Variants in PSEN1 observed in about 807,000 individuals in gnomAD.
PSEN1 encodes presenilin 1.
Under a neutral mutation model 53.5 loss-of-function variants are expected in PSEN1, and 15 were observed. The observed-to-expected ratio is 0.28, with a 90% CI of 0.19 to 0.43. PSEN1 has a LOEUF of 0.43. Ranked by LOEUF, PSEN1 falls within the 20% of genes least tolerant of loss-of-function variation. PSEN1 has a pLI of 1.00. For synonymous variants in PSEN1, 208 were observed against 209.8 expected (o/e 0.99, Z 0.08); for missense variants, 387 against 571.2 (o/e 0.68, Z 3.29).
At position 73,170,836 on chromosome 14, in the gene PSEN1, A is replaced by G; in HGVS notation, c.127A>G (p.Ser43Gly). 6.2e-7 allele frequency: 1 copy of G among 1,614,080 alleles called. No homozygotes were observed. The highest frequency in any genetic ancestry group is 1.1e-5 in the South Asian group (1 of 91,086). Residue 43 changes from serine (S) to glycine (G), a missense_variant, in exon 4 of 12, where the codon AGC (serine) becomes GGC (glycine). Ser to Gly is a moderately conservative substitution (Grantham distance 56). Transcript: ENST00000324501. ...ACGGCAGGAGCACAACGACAGACGGAGCCTTGGCCACCCTGAGCCATTATC... is the reference window on the plus strand; with the variant it reads ...ACGGCAGGAGCACAACGACAGACGGGGCCTTGGCCACCCTGAGCCATTATC... ...RERQEHNDRR[S>G]LGHPEPLSNG...
At chr14:73,151,541 TAC>T (rs1282951376) in intron 3 of PSEN1, among the ~76,000 whole-genome samples, 6 of 152,154 alleles carry the variant, frequency 3.9e-5, no homozygotes, top group Admixed American at 3.9e-4. Context: ...TGTTCTATAA[TAC>T]AGTTATTTAA....
At chr14:73,213,988 CAA>C (rs1399722264) in intron 10 of PSEN1, among the ~76,000 whole-genome samples, 2 of 151,952 alleles carry the variant, frequency 1.3e-5, no homozygotes, top group African/African-American at 2.4e-5. Context: ...GGTATATACT[CAA>C]GAGAATTTTA....
At chr14:73,194,660 C>T (rs545847431) in intron 7 of PSEN1, among the ~76,000 whole-genome samples, 1 of 151,628 alleles carries the variant, frequency 6.6e-6, no homozygotes, top group East Asian at 2.0e-4. Flanking sequence ...GCTTCGCCTC[C>T]CAGGTTCATG....
At chr14:73,207,897 G>T (rs1447669739) in intron 9 of PSEN1, among the ~76,000 whole-genome samples, 2 of 152,226 alleles carry the variant, frequency 1.3e-5, no homozygotes, top group Non-Finnish European at 2.9e-5. Context: ...GCAGCCTCAG[G>T]TACTAGCTCC....
chr14:73,184,603 C>G (rs7158911), intron 5 of PSEN1, among the ~76,000 whole-genome samples: 2 of 126,000 alleles, frequency 1.6e-5, no homozygotes, highest in African/African-American at 3.1e-5. Context: ...CGGGCAGAGG[C>G]GCCCCTCACC....
intron 11 of PSEN1, among the ~76,000 whole-genome samples, chr14:73,218,591 A>G (rs1900018183): frequency 6.6e-6 from 1 of 152,110 alleles, no homozygotes; most frequent in Non-Finnish European, 1.5e-5. Context: ...TTTTTTAAAC[A>G]CTGCAGCCTC....
intron 3 of PSEN1, among the ~76,000 whole-genome samples, chr14:73,158,282 T>TTCTGTCTG (rs150258982): frequency 7.1e-6 from 1 of 141,464 alleles, no homozygotes; most frequent in African/African-American, 2.7e-5. Flanking sequence ...TAACTTTTTT[T>TTCTGTCTG]TCTATCTATC....
intron 8 of PSEN1, among the ~76,000 whole-genome samples, chr14:73,200,594 C>G (rs1899139192): frequency 6.6e-6 from 1 of 152,112 alleles, no homozygotes; most frequent in Non-Finnish European, 1.5e-5. Flanking sequence ...AATTCATTAT[C>G]CTTGAAAAAG....
chr14:73,151,894 A>ATTTTTTTTTT, intron 3 of PSEN1, among the ~76,000 whole-genome samples: 1 of 38,952 alleles, frequency 2.6e-5, no homozygotes, highest in Non-Finnish European at 4.0e-5. Flanking sequence ...ATATATATAT[A>ATTTTTTTTTT]TTTTTTTTTT....
chr14:73,165,030 CACT>C (rs1897666731), intron 3 of PSEN1, among the ~76,000 whole-genome samples: 1 of 152,058 alleles, frequency 6.6e-6, no homozygotes, highest in African/African-American at 2.4e-5. Flanking sequence ...GATCTTGGCT[CACT>C]GCAACCTCTG....
chr14:73,218,007 T>G (rs1316541312), intron 11 of PSEN1, among the ~76,000 whole-genome samples: 1 of 151,536 alleles, frequency 6.6e-6, no homozygotes, highest in African/African-American at 2.4e-5. Context: ...AGGCTCCTCT[T>G]GAACTCCTGA....
intron 3 of PSEN1, among the ~76,000 whole-genome samples, chr14:73,164,635 A>C (rs991941362): frequency 6.6e-6 from 1 of 151,916 alleles, no homozygotes; most frequent in East Asian, 1.9e-4. Context: ...ACTATATAGA[A>C]GAGAAATCTA....
intron 1 of PSEN1, among the ~76,000 whole-genome samples, chr14:73,143,520 A>G (rs1042036754): frequency 2.0e-5 from 3 of 152,176 alleles, no homozygotes; most frequent in Non-Finnish European, 2.9e-5. Context: ...GGTTTCTTTA[A>G]GACTCAAATG....
At chr14:73,203,794 G>C (rs915129941) in intron 8 of PSEN1, among the ~76,000 whole-genome samples, 1 of 152,108 alleles carries the variant, frequency 6.6e-6, no homozygotes, top group Admixed American at 6.5e-5. Flanking sequence ...ACAATTCCTT[G>C]AGGTAGATCA....
chr14:73,156,408 G>GA (rs1346674806), intron 3 of PSEN1, among the ~76,000 whole-genome samples: 4 of 150,976 alleles, frequency 2.6e-5, no homozygotes, highest in Non-Finnish European at 4.4e-5. Flanking sequence ...TATTTTGAAA[G>GA]AAAAGAGCTA....
chr14:73,184,312 A>C (rs1175501695), intron 5 of PSEN1, among the ~76,000 whole-genome samples: 1 of 60,554 alleles, frequency 1.7e-5, no homozygotes, highest in African/African-American at 7.3e-5. Flanking sequence ...TGACCCCCCC[A>C]CCTCCCTCCC....
intron 7 of PSEN1, among the ~76,000 whole-genome samples, chr14:73,195,696 G>A (rs1054443542): frequency 2.6e-5 from 4 of 152,028 alleles, no homozygotes; most frequent in Non-Finnish European, 5.9e-5. Context: ...GGCTCAAGCA[G>A]TCCTCCTGTC....
At chr14:73,194,104 C>G (rs755798506) in intron 7 of PSEN1, among the ~76,000 whole-genome samples, 4 of 152,174 alleles carry the variant, frequency 2.6e-5, no homozygotes, top group African/African-American at 7.2e-5. Context: ...ACAGTTAGAA[C>G]ATACTCCAGC....
intron 3 of PSEN1, among the ~76,000 whole-genome samples, chr14:73,155,520 T>C (rs1897329299): frequency 6.6e-6 from 1 of 152,146 alleles, no homozygotes; most frequent in African/African-American, 2.4e-5. Flanking sequence ...TATTTTTTTT[T>C]TGAGACAGGG....
Sources: gnomAD v4.1 joint callset for allele counts (sites outside exome capture counted in the v4.1 genomes callset) on GRCh38, gnomAD v4.1.1 for gene constraint, MANE v1.5 for transcripts, NCBI Gene and HGNC (gene_info 2026-07-23, HGNC 2026-07-21) for gene names.